CARF: variants seen among roughly 807,000 people sequenced by gnomAD.
CARF encodes the protein calcium responsive transcription factor.
In CARF, 57 loss-of-function variants were observed where a neutral mutation model predicts 82.0. The ratio of observed to expected loss-of-function variants is 0.70; its 90% CI spans 0.56 to 0.87. The LOEUF (loss-of-function observed/expected upper bound fraction) is 0.87. CARF is among the 40% of genes least tolerant of loss of function. CARF has a pLI of 0.00. For synonymous variants in CARF, 268 were observed against 290.1 expected, an observed-to-expected ratio of 0.92 and a Z score of 0.77; for missense variants, 771 against 855.8, an observed-to-expected ratio of 0.90 and a Z score of 1.24.
intron 5 of CARF, among the ~76,000 whole-genome samples, chr2:202,947,713 T>G (rs747246779): frequency 3.3e-5 from 5 of 152,226 alleles, no homozygotes; most frequent in Middle Eastern, 3.2e-3. Context: ...GTTTTTCTTT[T>G]GTAAATTTGT....
chr2:202,936,498 A>T (rs2105782055), intron 3 of CARF, among the ~76,000 whole-genome samples: 1 of 152,206 alleles, frequency 6.6e-6, no homozygotes, highest in East Asian at 1.9e-4. Context: ...CCTATTTTGG[A>T]TATTTTATGT....
In CARF at chr2:202,974,431, C is replaced by A. The variant is rs2059941705; in HGVS notation, c.1429C>A (p.His477Asn). The A allele has an allele frequency of 1.2e-6, 2 of 1,607,622 alleles. No homozygotes were observed. Among genetic ancestry groups the A allele is most frequent in the African/African-American group, 2.7e-5 (2 of 74,512 alleles). The change falls in exon 13 of 17, where the codon CAT becomes AAT. Residue 477 changes from histidine to asparagine, a missense_variant. Physicochemically the swap from His to Asn is moderately conservative, Grantham distance 68. Coordinates refer to ENST00000438828, the MANE Select transcript of CARF (RefSeq NM_024744.17). Reference sequence around the variant, plus strand: ...TGTAAATGATATAAAAAATCACATCCATGAGGTACAGAAATCCTTGAGAAA... The same window carrying A: ...TGTAAATGATATAAAAAATCACATCAATGAGGTACAGAAATCCTTGAGAAA... ...PTVNDIKNHI[H>N]EVQKSLRNGD...
chr2:202,917,421 T>C (rs2105937337), intron 1 of CARF, among the ~76,000 whole-genome samples: 2 of 152,250 alleles, frequency 1.3e-5, no homozygotes, highest in South Asian at 4.1e-4. Context: ...ATTTTCTTTT[T>C]TCTTTCTGCT....
At chr2:202,968,658 T>C (rs2059652476) in intron 10 of CARF, among the ~76,000 whole-genome samples, 1 of 152,130 alleles carries the variant, frequency 6.6e-6, no homozygotes, top group African/African-American at 2.4e-5. Flanking sequence ...AATAATTTTA[T>C]TTTCCATCAT....
intron 8 of CARF, among the ~76,000 whole-genome samples, chr2:202,958,508 G>T (rs1386460651): frequency 6.6e-6 from 1 of 152,074 alleles, no homozygotes; most frequent in Non-Finnish European, 1.5e-5. Flanking sequence ...TATCTTGTAA[G>T]AAACTGAGTA....
intron 2 of CARF, among the ~76,000 whole-genome samples, chr2:202,920,696 A>G (rs1297925213): frequency 2.0e-5 from 3 of 152,268 alleles, no homozygotes; most frequent in East Asian, 3.9e-4. Flanking sequence ...GAAAAAGAAA[A>G]TTAAACTGTA....
At chr2:202,945,237 G>T (rs1214822796) in intron 5 of CARF, among the ~76,000 whole-genome samples, 1 of 152,088 alleles carries the variant, frequency 6.6e-6, no homozygotes, top group Admixed American at 6.6e-5. Context: ...TCCTGTACCT[G>T]CACGTGCTAC....
chr2:202,914,694 G>A (rs1343623185), intron 1 of CARF, among the ~76,000 whole-genome samples: 2 of 149,644 alleles, frequency 1.3e-5, no homozygotes, highest in Non-Finnish European at 3.0e-5. Context: ...CAGGAGAATT[G>A]CTTGAACCTG....
intron 13 of CARF, 122 bp from the exon 14 acceptor site, chr2:202,977,147 G>A: frequency 4.3e-6 from 3 of 698,578 alleles, no homozygotes; most frequent in Non-Finnish European, 5.0e-6. Flanking sequence ...ATGAACAAGT[G>A]AAGAGAGTAG....
At chr2:202,956,689 C>T (rs1480941031) in intron 8 of CARF, among the ~76,000 whole-genome samples, 3 of 152,174 alleles carry the variant, frequency 2.0e-5, no homozygotes, top group Non-Finnish European at 4.4e-5. Context: ...TCCAAAATTC[C>T]ATGTCTGTGT....
intron 14 of CARF, 130 bp from the exon 15 acceptor site, chr2:202,981,425 T>A: frequency 7.5e-6 from 5 of 669,002 alleles, no homozygotes; most frequent in Non-Finnish European, 1.2e-5. Flanking sequence ...AGATGACTTA[T>A]TGAAGTCCTT....
chr2:202,971,247 C>G (rs1209152568), intron 11 of CARF, among the ~76,000 whole-genome samples: 1 of 152,070 alleles, frequency 6.6e-6, no homozygotes, highest in African/African-American at 2.4e-5. Flanking sequence ...TCTCCCTCAA[C>G]TGTAGGACCA....
At chr2:202,977,206 C>T (rs1158137181) in intron 13 of CARF, 63 bp from the exon 14 acceptor site, 42 of 1,171,200 alleles carry the variant, frequency 3.6e-5, no homozygotes, top group Middle Eastern at 2.2e-4. Flanking sequence ...GTCGTAATGA[C>T]GTCTTAAGAT....
chr2:202,939,255 T>C (rs1049618132), intron 3 of CARF, among the ~76,000 whole-genome samples: 3 of 152,260 alleles, frequency 2.0e-5, no homozygotes, highest in Admixed American at 6.5e-5. Context: ...ATTCAACTTA[T>C]GATTTTCCAC....
chr2:202,986,883 T>TATATACATATATATATATATATATAC lies in CARF; in HGVS notation c.*3264_*3265insCATATATATATATATATATACATATA, dbSNP rs2060450833. 8.5e-6 allele frequency: 1 copy of TATATACATATATATATATATATATAC among 118,016 alleles called. No homozygotes were observed. Among genetic ancestry groups the TATATACATATATATATATATATATAC allele is most frequent in the African/African-American group, 2.9e-5 (1 of 34,760 alleles). The allele number at this position is 118,016 out of a possible 1,614,324, so 7.3% of individuals were successfully genotyped here. A position where few individuals can be genotyped will look rare whatever the true frequency, so the allele number is the denominator to read the frequency against. Reference sequence around the variant, plus strand: ...ATGTCTGTGCGTATATATATATATATATATATATATATATATATATATATA... The same window carrying TATATACATATATATATATATATATAC: ...ATGTCTGTGCGTATATATATATATATATATACATATATATATATATATATACATATATATATATATATATATATATA... On this transcript the variant is annotated 3_prime_UTR_variant, in exon 17 of 17. Transcript: ENST00000438828.
At chr2:202,954,295 C>T (rs998496582) in intron 7 of CARF, among the ~76,000 whole-genome samples, 161 bp downstream of exon 7, 4 of 152,118 alleles carry the variant, frequency 2.6e-5, no homozygotes, top group African/African-American at 7.2e-5. Flanking sequence ...GGTCATAAGG[C>T]GGCTATTCTG....
intron 8 of CARF, among the ~76,000 whole-genome samples, chr2:202,960,766 T>TCTCCCTCC (rs2059283579): frequency 7.2e-6 from 1 of 139,382 alleles, no homozygotes; most frequent in Non-Finnish European, 1.6e-5. Context: ...TCCCTCCTTC[T>TCTCCCTCC]CTCCTTCCCT....
intron 3 of CARF, among the ~76,000 whole-genome samples, chr2:202,937,592 A>G (rs1694154817): frequency 6.6e-6 from 1 of 151,938 alleles, no homozygotes; most frequent in South Asian, 2.1e-4. Context: ...CTTGTATGGC[A>G]TGACTTAACT....
rs1400080138 is a variant in CARF at position 202,983,828 on chromosome 2, A to T, written c.*204A>T. On this transcript the variant is annotated 3_prime_UTR_variant, in exon 17 of 17. Coordinates refer to ENST00000438828, the MANE Select transcript of CARF (RefSeq NM_024744.17). ...TGTTTTACTCTTCTTATTTTGTATA[A>T]TTTTTATGCTCTTTGATTATCTAAT... 6.2e-6 allele frequency: 3 copies of T among 484,308 alleles called. No homozygotes were observed. Among genetic ancestry groups the T allele is most frequent in the Non-Finnish European group, 1.1e-5 (3 of 279,596 alleles). 30.0% of individuals were successfully genotyped at this position (484,308 alleles called of 1,614,324 possible).
Sources: gnomAD v4.1 joint callset for allele counts (sites outside exome capture counted in the v4.1 genomes callset) on GRCh38, gnomAD v4.1.1 for gene constraint, MANE v1.5 for transcripts, NCBI Gene and HGNC (gene_info 2026-07-23, HGNC 2026-07-21) for gene names.